Variants in CALD1 observed in about 807,000 individuals in gnomAD.
The protein encoded by CALD1 is caldesmon 1, also known as caldesmon.
A neutral mutation model predicts 99.9 loss-of-function variants in CALD1; 33 were observed. That is an observed-to-expected ratio of 0.33 (90% CI 0.25 to 0.44). The LOEUF is 0.44. CALD1 is among the 20% of genes least tolerant of loss of function. The pLI, the probability that CALD1 is intolerant of heterozygous loss-of-function variation, is 1.00. For missense variants in CALD1, 861 were observed against 962.1 expected (o/e 0.89, Z 1.39); for synonymous variants, 310 against 325.0 (o/e 0.95, Z 0.50).
chr7:134,745,107 T>C (rs989796854), intron 1 of CALD1, among the ~76,000 whole-genome samples: 1 of 152,210 alleles, frequency 6.6e-6, no homozygotes, highest in African/African-American at 2.4e-5. Context: ...GTGTGTTTAA[T>C]TAATAAAATA....
At position 134,933,236 on chromosome 7, in the gene CALD1, G is replaced by C; in HGVS notation, c.467G>C (p.Arg156Pro). 2 of 1,607,098 alleles carry C rather than the reference G, an allele frequency of 1.2e-6. No individual in the cohort carries two copies. Among genetic ancestry groups the C allele is most frequent in the Non-Finnish European group, 1.7e-6 (2 of 1,177,782 alleles). ...TTEKEEKSES[R>P]QERYEIEETE... is the part of the protein sequence containing the mutation. Reference sequence around the variant, plus strand: ...GAGAAGGAAGAAAAAAGTGAAAGTCGCCAAGAAAGATACGAGATAGAGGAA... The same window carrying C: ...GAGAAGGAAGAAAAAAGTGAAAGTCCCCAAGAAAGATACGAGATAGAGGAA... Residue 156 changes from arginine (R) to proline (P), a missense_variant, in exon 5 of 15, where the codon CGC (arginine) becomes CCC (proline). Transcript: ENST00000361675.
intron 6 of CALD1, among the ~76,000 whole-genome samples, chr7:134,937,863 T>A (rs1806114113): frequency 6.6e-6 from 1 of 152,220 alleles, no homozygotes; most frequent in Non-Finnish European, 1.5e-5. Flanking sequence ...TCACCAACAC[T>A]GAAACTTAAT....
chr7:134,864,825 C>T (rs1243904630), intron 2 of CALD1, among the ~76,000 whole-genome samples: 2 of 152,180 alleles, frequency 1.3e-5, no homozygotes, highest in Non-Finnish European at 2.9e-5. Context: ...ATGACATCTG[C>T]CTCTGTTAAG....
At chr7:134,776,607 T>G (rs1796920641), upstream of CALD1, among the ~76,000 whole-genome samples, 1 of 152,204 alleles carries the variant, frequency 6.6e-6, no homozygotes, top group African/African-American at 2.4e-5. Context: ...ATATCAAGAT[T>G]CTACCAGCCT....
intron 1 of CALD1, among the ~76,000 whole-genome samples, chr7:134,809,152 G>C (rs954917171): frequency 6.6e-6 from 1 of 152,176 alleles, no homozygotes; most frequent in African/African-American, 2.4e-5. Flanking sequence ...AAGTTCATGA[G>C]AGACACTGTA....
At chr7:134,862,265 AG>A (rs1800595444) in intron 2 of CALD1, among the ~76,000 whole-genome samples, 1 of 152,224 alleles carries the variant, frequency 6.6e-6, no homozygotes, top group South Asian at 2.1e-4. Context: ...AGAGAGAAAT[AG>A]TGGATTAGTC....
At chr7:134,713,697 G>C in the CALD1 span, among the ~76,000 whole-genome samples, 1 of 152,026 alleles carries the variant, frequency 6.6e-6, no homozygotes. Flanking sequence ...TTTTAGTTCA[G>C]CTTAATATTA....
At chr7:134,756,829 G>C (rs1287406555) in intron 1 of CALD1, among the ~76,000 whole-genome samples, 2 of 152,120 alleles carry the variant, frequency 1.3e-5, no homozygotes, top group Non-Finnish European at 2.9e-5. Flanking sequence ...ATATAAATAT[G>C]AGCTTTTCCA....
intron 1 of CALD1, among the ~76,000 whole-genome samples, chr7:134,761,096 GAC>G (rs985978934): frequency 3.9e-5 from 6 of 152,138 alleles, no homozygotes; most frequent in African/African-American, 1.2e-4. Context: ...GGTATCATGT[GAC>G]CAGTCAGAGA....
At chr7:134,760,766 GA>G (rs1261386464) in intron 1 of CALD1, among the ~76,000 whole-genome samples, 1 of 152,188 alleles carries the variant, frequency 6.6e-6, no homozygotes, top group Non-Finnish European at 1.5e-5. Context: ...GTGGGGAGAA[GA>G]TAAGAGGATG....
At chr7:134,716,906 GGTTA>G in the CALD1 span, among the ~76,000 whole-genome samples, 1 of 152,056 alleles carries the variant, frequency 6.6e-6, no homozygotes, top group Non-Finnish European at 1.5e-5. Context: ...GATTTTTTGT[GGTTA>G]TTGTTGTTGG....
chr7:134,725,255 T>C, the CALD1 span, among the ~76,000 whole-genome samples: 1 of 152,224 alleles, frequency 6.6e-6, no homozygotes, highest in Non-Finnish European at 1.5e-5. Flanking sequence ...TGGATCTTAG[T>C]GCAGAAATTG....
chr7:134,960,143 G>A lies in CALD1; in HGVS notation c.2199+32G>A, dbSNP rs1808147961. ...ATCTGATTTTTGTCTCTTAAGTGTA[G>A]AGGGGCATATTTTTTTGCATGTCGA... On this transcript the variant is annotated intron_variant, in intron 12 of 14. Coordinates refer to ENST00000361675, the MANE Select transcript of CALD1 (RefSeq NM_033138.4). 2.5e-6 allele frequency: 4 copies of A among 1,610,524 alleles called. No homozygotes were observed. The South Asian group carries it at 4.4e-5, about 18-fold the overall frequency.
intron 1 of CALD1, among the ~76,000 whole-genome samples, chr7:134,766,306 C>T (rs1303702058): frequency 2.0e-5 from 3 of 151,854 alleles, no homozygotes; most frequent in Non-Finnish European, 4.4e-5. Flanking sequence ...CCACCACACC[C>T]GGCTAATTCT....
intron 1 of CALD1, among the ~76,000 whole-genome samples, chr7:134,750,619 A>AG (rs1273447944): frequency 5.9e-5 from 9 of 152,300 alleles, no homozygotes; most frequent in African/African-American, 2.2e-4. Context: ...AGAAAAAAAA[A>AG]TCTACTTTCA....
At chr7:134,875,651 T>C (rs1801314344) in intron 3 of CALD1, among the ~76,000 whole-genome samples, 1 of 152,168 alleles carries the variant, frequency 6.6e-6, no homozygotes. Context: ...CCTTAAACCA[T>C]CTGTGAGCCC....
chr7:134,781,717 T>G (rs1266394174), intron 1 of CALD1, among the ~76,000 whole-genome samples: 1 of 152,206 alleles, frequency 6.6e-6, no homozygotes, highest in Non-Finnish European at 1.5e-5. Context: ...GATTGATCCA[T>G]AAGTAAAGTG....
At chr7:134,711,680 ATGTG>A in the CALD1 span, among the ~76,000 whole-genome samples, 19,406 of 108,948 alleles carry the variant, frequency 0.18, 2,230 homozygotes, top group Non-Finnish European at 0.24. Context: ...ATATATATAT[ATGTG>A]TGTGTGTGTG....
At chr7:134,967,481 G>C (rs376026288) in intron 14 of CALD1, among the ~76,000 whole-genome samples, 2 of 152,154 alleles carry the variant, frequency 1.3e-5, no homozygotes, top group East Asian at 3.9e-4. Context: ...AACTAGCTGA[G>C]GGGGAGAGAA....
Sources: gnomAD v4.1 joint callset for allele counts (sites outside exome capture counted in the v4.1 genomes callset) on GRCh38, gnomAD v4.1.1 for gene constraint, MANE v1.5 for transcripts, NCBI Gene and HGNC (gene_info 2026-07-23, HGNC 2026-07-21) for gene names.